STK39: variants seen among roughly 807,000 people sequenced by gnomAD.
STK39 encodes the protein STE20/SPS1-related proline-alanine-rich protein kinase.
STK39 carries 20 observed loss-of-function variants against 77.8 expected under a neutral mutation model. The ratio of observed to expected loss-of-function variants is 0.26; its 90% CI spans 0.18 to 0.37. STK39 has a LOEUF of 0.37. STK39 is among the 10% of genes least tolerant of loss of function. STK39 has a pLI of 1.00. For missense variants in STK39, 479 were observed against 656.5 expected (o/e 0.73, Z 2.95); for synonymous variants, 246 against 234.1 (o/e 1.05, Z -0.47).
chr2:167,998,110 T>C (rs1683894979), intron 16 of STK39, among the ~76,000 whole-genome samples: 1 of 151,402 alleles, frequency 6.6e-6, no homozygotes, highest in Non-Finnish European at 1.5e-5. Flanking sequence ...AAGGGAAGGT[T>C]AAAAAAAAAT....
intron 16 of STK39, among the ~76,000 whole-genome samples, chr2:167,987,849 A>G (rs1031618115): frequency 6.6e-6 from 1 of 152,224 alleles, no homozygotes; most frequent in Admixed American, 6.5e-5. Flanking sequence ...AGAGTAATAA[A>G]GCAGTTCAGA....
intron 17 of STK39, among the ~76,000 whole-genome samples, chr2:167,962,982 G>A (rs1043681524): frequency 4.6e-5 from 7 of 152,208 alleles, no homozygotes; most frequent in African/African-American, 1.7e-4. Context: ...AGTGGGGGCA[G>A]ACCAGGCTTC....
chr2:168,116,349 G>A (rs146744025), intron 10 of STK39, among the ~76,000 whole-genome samples: 1 of 152,250 alleles, frequency 6.6e-6, no homozygotes, highest in East Asian at 1.9e-4. Context: ...AAAATTAAAA[G>A]TCATTAGACA....
At chr2:168,208,843 C>T (rs544090840) in intron 1 of STK39, among the ~76,000 whole-genome samples, 3 of 152,186 alleles carry the variant, frequency 2.0e-5, no homozygotes, top group Non-Finnish European at 2.9e-5. Flanking sequence ...GATGGAGCCA[C>T]AAGACTGAAG....
chr2:168,019,595 G>A (rs1684520451), intron 14 of STK39, among the ~76,000 whole-genome samples: 1 of 152,192 alleles, frequency 6.6e-6, no homozygotes. Context: ...CCAGACTAAA[G>A]AACCCTGCCC....
intron 16 of STK39, among the ~76,000 whole-genome samples, chr2:167,995,842 G>A (rs1021443560): frequency 6.6e-6 from 1 of 152,166 alleles, no homozygotes; most frequent in African/African-American, 2.4e-5. Context: ...AGAGAGCTGG[G>A]TGACATGTGA....
At chr2:168,074,125 C>T (rs565066097) in intron 12 of STK39, among the ~76,000 whole-genome samples, 7 of 152,218 alleles carry the variant, frequency 4.6e-5, no homozygotes, top group Non-Finnish European at 8.8e-5. Flanking sequence ...TGCTGTCCTC[C>T]TCCTTACAAG....
At chr2:168,113,332 A>G (rs1448828) in intron 10 of STK39, among the ~76,000 whole-genome samples, 49,684 of 152,112 alleles carry the variant, frequency 0.33, 8,372 homozygotes, top group Admixed American at 0.38. Context: ...TATAAGACCT[A>G]TCAAACAATA....
chr2:168,237,193 T>C (rs1690636139), intron 1 of STK39, among the ~76,000 whole-genome samples: 1 of 152,224 alleles, frequency 6.6e-6, no homozygotes. Context: ...AGGTATTTTA[T>C]TCTCTTTGAA....
chr2:168,139,790 G>A (rs1490839096), intron 7 of STK39, among the ~76,000 whole-genome samples: 4 of 151,956 alleles, frequency 2.6e-5, no homozygotes, highest in Non-Finnish European at 4.4e-5. Flanking sequence ...GCAGAAACGT[G>A]AAAATAGCAT....
intron 10 of STK39, among the ~76,000 whole-genome samples, chr2:168,075,586 C>G (rs1318228724): frequency 6.6e-6 from 1 of 151,990 alleles, no homozygotes; most frequent in Non-Finnish European, 1.5e-5. Context: ...TGGTAGGCAT[C>G]AAATTGCCTA....
intron 1 of STK39, among the ~76,000 whole-genome samples, chr2:168,234,454 C>T (rs772435552): frequency 6.6e-6 from 1 of 152,224 alleles, no homozygotes; most frequent in Non-Finnish European, 1.5e-5. Context: ...TCTGGGAACA[C>T]TGCTGCTGCT....
chr2:168,213,747 T>C (rs1447710553), intron 1 of STK39, among the ~76,000 whole-genome samples: 1 of 150,370 alleles, frequency 6.7e-6, no homozygotes, highest in Non-Finnish European at 1.5e-5. Flanking sequence ...AAAAACTGCA[T>C]AGAGCAGTTA....
chr2:168,012,730 T>C, intron 15 of STK39, 28 bp from the exon 16 acceptor site: 2 of 1,587,248 alleles, frequency 1.3e-6, no homozygotes, highest in Non-Finnish European at 1.7e-6. Context: ...GAATATGTAT[T>C]AGTAACCATA....
chr2:168,247,457 A>G lies in STK39; in HGVS notation c.-22T>C. 1 of 1,304,476 alleles carries G rather than the reference A, an allele frequency of 7.7e-7. No individual in the cohort carries two copies. The allele number at this position is 1,304,476 out of a possible 1,614,324, so 80.8% of individuals were successfully genotyped here. ...CCATGATGCTGCGGAGGAGAGCAGG[A>G]GGACGCGCCGGCCGACGGACGACCT... On this transcript the variant is annotated 5_prime_UTR_variant, in exon 1 of 18. Transcript: ENST00000355999.
Position 168,075,163 on chromosome 2 carries a change from G to A in STK39, c.1158C>T (p.Asp386=), listed in dbSNP as rs370708516. Residue 386 remains aspartate, a synonymous_variant, in exon 11 of 18, where the codon GAC becomes GAT. Transcript: ENST00000355999. ...CTTCGCTCTTCTCATCCATCTCGTC[G>A]TCACTCCACTCCCAGTCCCCGTCTT... is the stretch of plus-strand genomic sequence containing the variant. The part of the protein sequence containing the change: ...KTEDGDWEWS[D]DEMDEKSEEG... 31 of 1,613,890 alleles carry A rather than the reference G, an allele frequency of 1.9e-5. No homozygotes were observed. The highest frequency in any genetic ancestry group is 4.5e-5 in the East Asian group (2 of 44,902).
chr2:168,059,797 C>T lies in STK39; in HGVS notation c.1376+3703G>A, dbSNP rs184260261. On this transcript the variant is annotated intron_variant, in intron 14 of 17. Coordinates refer to ENST00000355999, the MANE Select transcript of STK39 (RefSeq NM_013233.3). Reference sequence around the variant, plus strand: ...TACCTTCTATAATATAGAATACCATCCCCCTCACTTTCTATCCTCCTCACA... The same window carrying T: ...TACCTTCTATAATATAGAATACCATTCCCCTCACTTTCTATCCTCCTCACA... 6.2e-4 allele frequency among the ~76,000 whole-genome samples: 95 copies of T among 152,260 alleles called. 1 individual carries two copies. Among genetic ancestry groups the T allele is most frequent in the Middle Eastern group, 3.4e-3 (1 of 294 alleles).
chr2:168,112,968 C>T (rs1687158749), intron 10 of STK39: 1 of 152,204 alleles, frequency 6.6e-6, no homozygotes, highest in Non-Finnish European at 1.5e-5. Context: ...GTTGAAAGGA[C>T]AAATAGGGTA....
Position 168,247,314 on chromosome 2 carries a change from G to GGGGC in STK39, c.121_122insGCCC (p.Ala41GlyfsTer66). ...CGGGGCCGGGGCCGGGGCCGGGGCC[G>GGGGC]CGGGAGCTGCCGGGGCCGGCGCTGC... On this transcript the variant is annotated frameshift_variant, in exon 1 of 18. Coordinates refer to ENST00000355999, the MANE Select transcript of STK39 (RefSeq NM_013233.3). LOFTEE classifies it high-confidence loss of function. The GGGGC allele has an allele frequency of 9.6e-7, 1 of 1,038,202 alleles. No homozygotes were observed. The highest frequency in any genetic ancestry group is 1.2e-6 in the Non-Finnish European group (1 of 862,070). 64.3% of individuals were successfully genotyped at this position (1,038,202 alleles called of 1,614,324 possible).
Sources: gnomAD v4.1 joint callset for allele counts (sites outside exome capture counted in the v4.1 genomes callset) on GRCh38, gnomAD v4.1.1 for gene constraint, MANE v1.5 for transcripts, NCBI Gene and HGNC (gene_info 2026-07-23, HGNC 2026-07-21) for gene names.